CDH13: variants seen among roughly 807,000 people sequenced by gnomAD.
CDH13 encodes cadherin 13.
CDH13 carries 24 observed loss-of-function variants against 63.8 expected under a neutral mutation model. The observed-to-expected ratio is 0.38, with a 90% CI of 0.27 to 0.53. CDH13 has a LOEUF of 0.53. CDH13 is among the 20% of genes least tolerant of loss of function. The pLI, the probability that CDH13 is intolerant of heterozygous loss-of-function variation, is 0.85. For missense variants in CDH13, 1,049 were observed against 903.1 expected (o/e 1.16, Z -2.07); for synonymous variants, 503 against 355.3 (o/e 1.42, Z -4.67).
At chr16:83,780,824 A>T (rs1915464376) in intron 12 of CDH13, among the ~76,000 whole-genome samples, 1 of 152,162 alleles carries the variant, frequency 6.6e-6, no homozygotes, top group Admixed American at 6.5e-5. Flanking sequence ...CTCCCCAGCT[A>T]TCTCTTGGCT....
intron 8 of CDH13, among the ~76,000 whole-genome samples, chr16:83,618,295 T>C (rs1163685655): frequency 6.6e-6 from 1 of 151,934 alleles, no homozygotes; most frequent in Admixed American, 6.6e-5. Flanking sequence ...CATGGTGGCA[T>C]GTGCCTGTAG....
intron 1 of CDH13, among the ~76,000 whole-genome samples, chr16:82,683,858 G>T (rs1914798979): frequency 6.6e-6 from 1 of 152,148 alleles, no homozygotes; most frequent in African/African-American, 2.4e-5. Flanking sequence ...ATATTATTAG[G>T]TTAAGGTACC....
chr16:83,291,801 C>T (rs946862994), intron 5 of CDH13, among the ~76,000 whole-genome samples: 10 of 152,052 alleles, frequency 6.6e-5, no homozygotes, highest in Admixed American at 1.3e-4. Flanking sequence ...GGGAAAATGC[C>T]CTGAGCTGCC....
intron 6 of CDH13, among the ~76,000 whole-genome samples, chr16:83,451,434 T>A (rs1033891192): frequency 6.6e-6 from 1 of 152,186 alleles, no homozygotes; most frequent in African/African-American, 2.4e-5. Flanking sequence ...CCAGGTCCCA[T>A]CCACAACCTG....
intron 3 of CDH13, among the ~76,000 whole-genome samples, chr16:83,043,137 G>A (rs4523912): frequency 0.18 from 26,698 of 152,104 alleles, 2,432 homozygotes; most frequent in African/African-American, 0.2. Flanking sequence ...TTATGTTTAT[G>A]TGGCTCTTAG....
chr16:82,975,516 C>T (rs1484608177), intron 2 of CDH13, among the ~76,000 whole-genome samples: 1 of 152,204 alleles, frequency 6.6e-6, no homozygotes, highest in Non-Finnish European at 1.5e-5. Flanking sequence ...CATAGGACTG[C>T]CATGTGGCTT....
intron 2 of CDH13, among the ~76,000 whole-genome samples, chr16:82,996,143 G>A (rs1269456939): frequency 6.6e-6 from 1 of 151,734 alleles, no homozygotes; most frequent in African/African-American, 2.4e-5. Flanking sequence ...TTCCATTTTA[G>A]GAAAAAAAGG....
intron 5 of CDH13, among the ~76,000 whole-genome samples, chr16:83,228,461 T>C (rs2039907488): frequency 6.6e-6 from 1 of 152,208 alleles, no homozygotes; most frequent in African/African-American, 2.4e-5. Context: ...ACACTATCAC[T>C]GTTCTTGTAA....
intron 8 of CDH13, among the ~76,000 whole-genome samples, chr16:83,661,903 G>T (rs1360849898): frequency 6.6e-6 from 1 of 152,172 alleles, no homozygotes; most frequent in African/African-American, 2.4e-5. Context: ...TTGCCCTTTG[G>T]TTCATTCCCC....
At chr16:83,341,238 C>G (rs1239910378) in intron 5 of CDH13, among the ~76,000 whole-genome samples, 3 of 152,118 alleles carry the variant, frequency 2.0e-5, no homozygotes, top group Non-Finnish European at 4.4e-5. Context: ...GTTTTGTGTG[C>G]TTTGGGTATT....
At position 83,019,776 on chromosome 16, in the gene CDH13, G is replaced by A. The variant is rs555356800; in HGVS notation, c.158-12234G>A. ...CTCCCAAAGTGCTGGGATTACAAGC[G>A]TGAGCCACCATGCCCGGCCAGTAAA... is the stretch of plus-strand genomic sequence containing the variant. On this transcript the variant is annotated intron_variant, in intron 2 of 13. Transcript: ENST00000567109. 1.9e-3 allele frequency among the ~76,000 whole-genome samples: 286 copies of A among 148,356 alleles called. 1 individual carries two copies. Among genetic ancestry groups the A allele is most frequent in the Middle Eastern group, 0.017 (5 of 286 alleles).
intron 2 of CDH13, among the ~76,000 whole-genome samples, chr16:82,964,498 G>C (rs1306164721): frequency 2.0e-5 from 3 of 152,180 alleles, no homozygotes; most frequent in Admixed American, 6.5e-5. Flanking sequence ...GTCCACATTG[G>C]ATAAGGGCCA....
chr16:82,976,004 C>G (rs1177510771), intron 2 of CDH13, among the ~76,000 whole-genome samples: 1 of 152,272 alleles, frequency 6.6e-6, no homozygotes, highest in South Asian at 2.1e-4. Context: ...CGACGGAAAA[C>G]AGCACGGTAA....
At chr16:83,118,618 T>A (rs1413060009) in intron 3 of CDH13, among the ~76,000 whole-genome samples, 1 of 152,198 alleles carries the variant, frequency 6.6e-6, no homozygotes, top group Non-Finnish European at 1.5e-5. Context: ...CGTCCTGGTG[T>A]TAATAAGACT....
intron 7 of CDH13, among the ~76,000 whole-genome samples, chr16:83,531,442 T>C (rs1490719065): frequency 6.6e-6 from 1 of 152,142 alleles, no homozygotes; most frequent in African/African-American, 2.4e-5. Context: ...TTTGCTGGTG[T>C]GATTAAGTCA....
intron 1 of CDH13, among the ~76,000 whole-genome samples, chr16:82,653,122 T>G (rs994900687): frequency 2.6e-5 from 4 of 152,176 alleles, no homozygotes; most frequent in Non-Finnish European, 1.5e-5. Context: ...GAAACCCATT[T>G]TGTTAATTTA....
chr16:82,881,055 C>A (rs2040685135), intron 2 of CDH13, among the ~76,000 whole-genome samples: 1 of 152,096 alleles, frequency 6.6e-6, no homozygotes, highest in Non-Finnish European at 1.5e-5. Flanking sequence ...GCGTGGATGC[C>A]ATTAGTATTT....
At chr16:82,941,357 A>G (rs1420223055) in intron 2 of CDH13, among the ~76,000 whole-genome samples, 1 of 152,180 alleles carries the variant, frequency 6.6e-6, no homozygotes, top group Admixed American at 6.5e-5. Context: ...CTGTGCCTTG[A>G]GAATGCTCAG....
chr16:83,551,569 G>T (rs1339308522), intron 7 of CDH13, among the ~76,000 whole-genome samples: 1 of 152,134 alleles, frequency 6.6e-6, no homozygotes, highest in African/African-American at 2.4e-5. Flanking sequence ...CACCCATTCT[G>T]CATCTTCTTG....
Sources: gnomAD v4.1 joint callset for allele counts (sites outside exome capture counted in the v4.1 genomes callset) on GRCh38, gnomAD v4.1.1 for gene constraint, MANE v1.5 for transcripts, NCBI Gene and HGNC (gene_info 2026-07-23, HGNC 2026-07-21) for gene names.